The following NAV2 variants were observed in gnomAD, a reference collection of about 807,000 sequenced individuals.
NAV2 encodes helicase, APC down-regulated 1.
In NAV2, 54 loss-of-function variants were observed where a neutral mutation model predicts 223.2. The observed-to-expected ratio is 0.24, with a 90% confidence interval of 0.19 to 0.30. The LOEUF (loss-of-function observed/expected upper bound fraction) is 0.30, where lower values mean the gene tolerates loss of function less well. NAV2 is among the 10% of genes least tolerant of loss of function. The pLI, the probability that NAV2 is intolerant of heterozygous loss-of-function variation, is 1.00. For synonymous variants in NAV2, 1,279 were observed against 1,239.3 expected (o/e 1.03, Z -0.67); for missense variants, 2,806 against 3,147.5 (o/e 0.89, Z 2.60).
At chr11:19,842,311 C>T (rs1187624183) in intron 2 of NAV2, among the ~76,000 whole-genome samples, 2 of 152,190 alleles carry the variant, frequency 1.3e-5, no homozygotes, top group Non-Finnish European at 2.9e-5. Flanking sequence ...TTTGGACTTA[C>T]TGTGTGGCGT....
intron 1 of NAV2, among the ~76,000 whole-genome samples, chr11:19,432,547 G>T (rs940827885): frequency 3.9e-5 from 6 of 152,194 alleles, no homozygotes; most frequent in African/African-American, 1.2e-4. Flanking sequence ...AAGCCAAAAG[G>T]CGTCATGGAC....
chr11:20,096,552 C>T (rs1283564614), intron 30 of NAV2, among the ~76,000 whole-genome samples: 1 of 152,180 alleles, frequency 6.6e-6, no homozygotes, highest in African/African-American at 2.4e-5. Context: ...AGGTTGGGCA[C>T]TTTTTCAAGG....
intron 7 of NAV2, among the ~76,000 whole-genome samples, chr11:19,936,605 G>T (rs1017473398): frequency 6.6e-6 from 1 of 152,154 alleles, no homozygotes; most frequent in Non-Finnish European, 1.5e-5. Flanking sequence ...GGAAATAAGA[G>T]CACCAGGATA....
At position 20,097,447 on chromosome 11, in the gene NAV2, C is replaced by CA. The variant is rs2061356283; in HGVS notation, c.6013-129dup. The CA allele has an allele frequency of 5.4e-6, 4 of 746,026 alleles. No individual in the cohort carries two copies. In the South Asian group the frequency reaches 7.3e-5, roughly 14 times the overall value. 46.2% of individuals were successfully genotyped at this position (746,026 alleles called of 1,614,324 possible). A position where few individuals can be genotyped will look rare whatever the true frequency, so the allele number is the denominator to read the frequency against. ...AAGTCAGTTTTTCTCCCCCTCATCC[C>CA]ACAGCTCAATTTCAACTCAGACATC... is the stretch of plus-strand genomic sequence containing the variant. On this transcript the variant is annotated intron_variant, in intron 30 of 37. Coordinates refer to ENST00000349880, the MANE Select transcript of NAV2 (RefSeq NM_145117.5).
At chr11:19,409,773 C>T (rs1395650006) in intron 1 of NAV2, among the ~76,000 whole-genome samples, 8 of 152,184 alleles carry the variant, frequency 5.3e-5, no homozygotes, top group Non-Finnish European at 1.2e-4. Context: ...GAAACTGAGA[C>T]TCACAGAGGG....
chr11:19,708,899 TAAA>T (rs77460734), upstream of NAV2, among the ~76,000 whole-genome samples: 9 of 114,530 alleles, frequency 7.9e-5, no homozygotes, highest in Non-Finnish European at 9.3e-5. Context: ...ATGCATATAG[TAAA>T]AAAAAAAAAA....
At chr11:19,879,590 G>A (rs17531912) in intron 4 of NAV2, among the ~76,000 whole-genome samples, 4,473 of 152,242 alleles carry the variant, frequency 0.029, 110 homozygotes, top group Non-Finnish European at 0.042. Context: ...TCTTGCTCGA[G>A]ACGCTTGCTT....
At chr11:19,414,383 A>C (rs1292866243) in intron 1 of NAV2, among the ~76,000 whole-genome samples, 1 of 152,254 alleles carries the variant, frequency 6.6e-6, no homozygotes, top group Non-Finnish European at 1.5e-5. Context: ...TCAATGCAAC[A>C]AGAAGAGCTA....
chr11:19,765,094 T>C (rs11025246), intron 1 of NAV2, among the ~76,000 whole-genome samples: 71,082 of 152,006 alleles, frequency 0.47, 17,992 homozygotes, highest in African/African-American at 0.67. Flanking sequence ...GTGTAGCCAG[T>C]GTATAGGCAT....
At chr11:19,346,093 C>A (rs1852991160), upstream of NAV2, among the ~76,000 whole-genome samples, 1 of 152,102 alleles carries the variant, frequency 6.6e-6, no homozygotes, top group South Asian at 2.1e-4. Flanking sequence ...TTTCTGTCTG[C>A]GCCTCTGTTT....
chr11:19,930,242 C>T lies in NAV2; in HGVS notation c.932-2934C>T, dbSNP rs550884071. 2.6e-5 allele frequency among the ~76,000 whole-genome samples: 4 copies of T among 152,244 alleles called. No homozygotes were observed. The South Asian group carries it at 8.3e-4, about 32-fold the overall frequency. Reference sequence around the variant, plus strand: ...CAGATGGCCATTTCACCAAGACAAGCCAAGTATCTGTTTTCTTCTGGGTCA... The same window carrying T: ...CAGATGGCCATTTCACCAAGACAAGTCAAGTATCTGTTTTCTTCTGGGTCA... On this transcript the variant is annotated intron_variant, in intron 6 of 37. Coordinates refer to ENST00000349880, the MANE Select transcript of NAV2 (RefSeq NM_145117.5).
At chr11:19,631,867 G>T (rs1375099537) in intron 1 of NAV2, among the ~76,000 whole-genome samples, 2 of 152,224 alleles carry the variant, frequency 1.3e-5, no homozygotes, top group Non-Finnish European at 2.9e-5. Context: ...CATCTAATTA[G>T]CCATCGTCTT....
At chr11:19,519,620 G>C (rs2043578014) in intron 1 of NAV2, 1 of 152,194 alleles carries the variant, frequency 6.6e-6, no homozygotes, top group Non-Finnish European at 1.5e-5. Context: ...CCTTTTCCAG[G>C]TTTGACATTC....
chr11:19,635,568 T>G (rs757890459), intron 1 of NAV2, among the ~76,000 whole-genome samples: 1 of 152,144 alleles, frequency 6.6e-6, no homozygotes, highest in Non-Finnish European at 1.5e-5. Context: ...CTGCTTCCAC[T>G]CATGGCAGAA....
intron 1 of NAV2, among the ~76,000 whole-genome samples, chr11:19,483,385 G>A (rs191492507): frequency 8.5e-5 from 13 of 152,268 alleles, no homozygotes; most frequent in East Asian, 7.7e-4. Context: ...TAGTTATCAC[G>A]TTAACTGTCA....
intron 22 of NAV2, among the ~76,000 whole-genome samples, chr11:20,068,676 C>T (rs960762169): frequency 6.6e-6 from 1 of 151,984 alleles, no homozygotes; most frequent in Admixed American, 6.6e-5. Flanking sequence ...TTGCAATATG[C>T]GAAGTGCTTA....
At chr11:19,601,412 C>A (rs1402569899) in intron 1 of NAV2, among the ~76,000 whole-genome samples, 2 of 152,282 alleles carry the variant, frequency 1.3e-5, no homozygotes, top group Admixed American at 1.3e-4. Context: ...GGACTCAGAG[C>A]AGCCCTCTAC....
chr11:19,898,570 C>T (rs1408517287), intron 6 of NAV2, among the ~76,000 whole-genome samples: 1 of 152,162 alleles, frequency 6.6e-6, no homozygotes, highest in Non-Finnish European at 1.5e-5. Flanking sequence ...TATGGATTTA[C>T]CACAATATCG....
At chr11:19,451,171 C>T (rs972886750) in intron 1 of NAV2, among the ~76,000 whole-genome samples, 3 of 152,096 alleles carry the variant, frequency 2.0e-5, no homozygotes, top group African/African-American at 7.2e-5. Flanking sequence ...GCTCTGTCTG[C>T]CCCTTGTTTG....
Sources: gnomAD v4.1 joint callset for allele counts (sites outside exome capture counted in the v4.1 genomes callset) on GRCh38, gnomAD v4.1.1 for gene constraint, MANE v1.5 for transcripts, NCBI Gene and HGNC (gene_info 2026-07-23, HGNC 2026-07-21) for gene names.